Variants in BCAS3 observed in about 807,000 individuals in gnomAD.
BCAS3 encodes the protein BCAS3 microtubule associated cell migration factor.
In BCAS3, 53 loss-of-function variants were observed where a neutral mutation model predicts 116.1. The observed-to-expected ratio is 0.46, with a 90% CI of 0.37 to 0.57. The LOEUF (loss-of-function observed/expected upper bound fraction) is 0.57. Ranked by LOEUF, BCAS3 falls within the 20% of genes least tolerant of loss-of-function variation. BCAS3 has a pLI of 0.00. For synonymous variants in BCAS3, 391 were observed against 408.2 expected (o/e 0.96, Z 0.51); for missense variants, 917 against 1,165.4 (o/e 0.79, Z 3.10).
Position 60,962,203 on chromosome 17 carries a change from T to A in BCAS3, c.1221+14851T>A, listed in dbSNP as rs971383239. On this transcript the variant is annotated intron_variant, in intron 14 of 23. Coordinates refer to ENST00000407086, the MANE Select transcript of BCAS3 (RefSeq NM_017679.5). The surrounding 1 kb of genome is among the most constrained non-coding windows in gnomAD (Gnocchi z 4.4). ...TTCTTTCTTTTGGCTATATACCTGG[T>A]AGCAGAATTGCTGGATCATATGGTA... Among the ~76,000 whole-genome samples the A allele has an allele frequency of 6.6e-6, 1 of 152,184 alleles. No homozygotes were observed. The highest frequency in any genetic ancestry group is 2.4e-5 in the African/African-American group (1 of 41,448).
intron 7 of BCAS3, among the ~76,000 whole-genome samples, chr17:60,821,153 G>C (rs1454361439): frequency 2.0e-5 from 3 of 152,040 alleles, no homozygotes; most frequent in African/African-American, 7.2e-5. Flanking sequence ...CACCATGTTG[G>C]CCAGGATGGT....
intron 12 of BCAS3, among the ~76,000 whole-genome samples, chr17:60,916,711 T>C (rs547697577): frequency 2.2e-4 from 34 of 152,276 alleles, no homozygotes; most frequent in African/African-American, 7.5e-4. Context: ...AATTGAACTT[T>C]ATAAAAATCA....
chr17:60,687,899 G>A (rs2034301040), intron 3 of BCAS3: 1 of 152,156 alleles, frequency 6.6e-6, no homozygotes, highest in African/African-American at 2.4e-5. Context: ...CATAGTGAAA[G>A]CATATAAGCC....
Position 61,309,762 on chromosome 17 carries a change from G to A in BCAS3, c.2426-58565G>A, listed in dbSNP as rs997854304. Among the ~76,000 whole-genome samples, 2 of 152,224 alleles carry A rather than the reference G, an allele frequency of 1.3e-5. No individual in the cohort carries two copies. The highest frequency in any genetic ancestry group is 6.5e-5 in the Admixed American group (1 of 15,288). On this transcript the variant is annotated intron_variant, in intron 22 of 23. Transcript: ENST00000407086. This position sits in a 1 kb window ranked among gnomAD's most constrained non-coding sequence, Gnocchi z 4.6. ...GTGGAAAAGTAGTGGCCTGTTTATG[G>A]GTTGAGGAGGCAGTACAGGGTGACA...
intron 6 of BCAS3, among the ~76,000 whole-genome samples, chr17:60,793,586 C>T (rs1237728115): frequency 1.3e-5 from 2 of 152,106 alleles, no homozygotes; most frequent in Non-Finnish European, 2.9e-5. Flanking sequence ...CCAAAGTCCA[C>T]TGCATCATTC....
chr17:60,761,322 C>T (rs530789151), intron 6 of BCAS3, among the ~76,000 whole-genome samples: 4 of 152,202 alleles, frequency 2.6e-5, no homozygotes, highest in African/African-American at 9.6e-5. Flanking sequence ...ATTAACTCGT[C>T]ATTGACATTA....
At chr17:60,788,214 C>T (rs564664012) in intron 6 of BCAS3, among the ~76,000 whole-genome samples, 2 of 152,202 alleles carry the variant, frequency 1.3e-5, no homozygotes, top group South Asian at 4.1e-4. Context: ...TTGACAGTAG[C>T]TTTTTCAGTG....
intron 5 of BCAS3, among the ~76,000 whole-genome samples, chr17:60,738,598 G>A (rs1332529139): frequency 6.6e-6 from 1 of 152,090 alleles, no homozygotes; most frequent in Non-Finnish European, 1.5e-5. Flanking sequence ...TATATTTAAA[G>A]TGGATTTCTT....
intron 23 of BCAS3, among the ~76,000 whole-genome samples, chr17:61,370,220 G>C (rs1203973437): frequency 6.6e-6 from 1 of 151,718 alleles, no homozygotes; most frequent in Admixed American, 6.6e-5. Flanking sequence ...AGAAAAAAAG[G>C]TAGAGGAAAT....
At chr17:61,284,402 G>C (rs1211302804) in intron 22 of BCAS3, among the ~76,000 whole-genome samples, 1 of 152,160 alleles carries the variant, frequency 6.6e-6, no homozygotes, top group African/African-American at 2.4e-5. Flanking sequence ...TGAAGTCAGC[G>C]AGACCACGAA....
intron 7 of BCAS3, among the ~76,000 whole-genome samples, chr17:60,833,695 C>T (rs2051131946): frequency 1.3e-5 from 2 of 152,116 alleles, no homozygotes; most frequent in Admixed American, 1.3e-4. Context: ...CATATGTTTA[C>T]AAAAACTTTA....
intron 22 of BCAS3, among the ~76,000 whole-genome samples, chr17:61,238,620 C>T (rs1201284912): frequency 2.6e-5 from 4 of 152,124 alleles, no homozygotes; most frequent in Non-Finnish European, 5.9e-5. Flanking sequence ...CTGGCTTTGG[C>T]AGGTCTTATG....
chr17:60,780,093 G>A (rs932345224), intron 6 of BCAS3, among the ~76,000 whole-genome samples: 1 of 151,288 alleles, frequency 6.6e-6, no homozygotes, highest in African/African-American at 2.4e-5. Context: ...GGATTCAAGC[G>A]ATTCTTCTGC....
chr17:61,375,388 C>T (rs1270186627), intron 23 of BCAS3, among the ~76,000 whole-genome samples: 1 of 151,956 alleles, frequency 6.6e-6, no homozygotes, highest in Non-Finnish European at 1.5e-5. Flanking sequence ...CCCTCTCCTG[C>T]CTCTAGAATC....
rs2081581456 is a variant in BCAS3, at chr17:61,213,295, G to A, written c.2425+128731G>A. Among the ~76,000 whole-genome samples, 1 of 151,856 alleles carries A rather than the reference G, an allele frequency of 6.6e-6. No individual in the cohort carries two copies. The highest frequency in any genetic ancestry group is 2.1e-4 in the South Asian group (1 of 4,806). ...AGCGATCCTCCTGCCTCAGCTTCTC[G>A]AGTAGCTGGGATTACAGGCTCCTGC... On this transcript the variant is annotated intron_variant, in intron 22 of 23. Transcript: ENST00000407086. This position sits in a 1 kb window ranked among gnomAD's most constrained non-coding sequence, Gnocchi z 5.4.
In BCAS3 at chr17:60,964,094, G is replaced by A. The variant is rs2061543535; in HGVS notation, c.1221+16742G>A. ...ATGTTGAGTAACCGTAGTGAGAGTG[G>A]ACATACTCGTCTTGTTCCAGTCTTT... On this transcript the variant is annotated intron_variant, in intron 14 of 23. Coordinates refer to ENST00000407086, the MANE Select transcript of BCAS3 (RefSeq NM_017679.5). This position sits in a 1 kb window ranked among gnomAD's most constrained non-coding sequence, Gnocchi z 4.6. Among the ~76,000 whole-genome samples, 2 of 152,120 alleles carry A rather than the reference G, an allele frequency of 1.3e-5. No homozygotes were observed. The highest frequency in any genetic ancestry group is 4.1e-4 in the South Asian group (2 of 4,826).
At chr17:60,702,051 C>A (rs915661164) in intron 4 of BCAS3, among the ~76,000 whole-genome samples, 3 of 152,130 alleles carry the variant, frequency 2.0e-5, no homozygotes, top group Non-Finnish European at 4.4e-5. Flanking sequence ...CACACACACA[C>A]AAATCTATTA....
chr17:60,947,992 G>A (rs183828354), intron 14 of BCAS3, among the ~76,000 whole-genome samples: 9 of 152,246 alleles, frequency 5.9e-5, no homozygotes, highest in African/African-American at 1.9e-4. Context: ...TCACGTACAC[G>A]TGCATGGGTA....
intron 22 of BCAS3, among the ~76,000 whole-genome samples, chr17:61,125,610 G>A (rs1352741166): frequency 1.3e-5 from 2 of 152,052 alleles, no homozygotes; most frequent in Admixed American, 1.3e-4. Flanking sequence ...AAAATGAAAT[G>A]TTTGTGATTG....
Sources: allele counts gnomAD v4.1 joint callset (sites outside exome capture counted in the v4.1 genomes callset), GRCh38; gene constraint gnomAD v4.1.1; non-coding constraint Gnocchi (gnomAD v3.1); transcripts MANE v1.5; gene names NCBI Gene and HGNC (gene_info 2026-07-23, HGNC 2026-07-21).